The following CNTN1 variants were observed in gnomAD, a reference collection of about 807,000 sequenced individuals.
CNTN1 encodes contactin 1.
In CNTN1, 38 loss-of-function variants were observed where a neutral mutation model predicts 126.4. The observed-to-expected ratio is 0.30, with a 90% CI of 0.23 to 0.39. The LOEUF is 0.39. Among genes scored for constraint, CNTN1 ranks in the 10% least tolerant of loss-of-function variants. CNTN1 has a pLI of 1.00. For synonymous variants in CNTN1, 413 were observed against 422.6 expected (o/e 0.98, Z 0.28); for missense variants, 1,009 against 1,248.4 (o/e 0.81, Z 2.89).
intron 17 of CNTN1, among the ~76,000 whole-genome samples, chr12:41,008,682 A>G (rs1388900211): frequency 6.6e-6 from 1 of 152,086 alleles, no homozygotes; most frequent in Admixed American, 6.5e-5. Context: ...ACATGTATTT[A>G]CCATCCTTCT....
intron 23 of CNTN1, among the ~76,000 whole-genome samples, chr12:41,040,655 T>C (rs1055594186): frequency 6.6e-6 from 1 of 152,156 alleles, no homozygotes; most frequent in African/African-American, 2.4e-5. Flanking sequence ...GATTCCTAGG[T>C]ATTCTATTCT....
intron 1 of CNTN1, among the ~76,000 whole-genome samples, chr12:40,715,566 G>A (rs1942028642): frequency 6.6e-6 from 1 of 152,060 alleles, no homozygotes. Context: ...CCCTTGTGTT[G>A]GAGAAAATAT....
intron 15 of CNTN1, among the ~76,000 whole-genome samples, chr12:40,967,152 G>A (rs1440678237): frequency 6.6e-6 from 1 of 151,872 alleles, no homozygotes; most frequent in Non-Finnish European, 1.5e-5. Context: ...GGGCAGTAGA[G>A]CGAGACTCCA....
chr12:40,868,417 G>A (rs566156329), intron 1 of CNTN1, among the ~76,000 whole-genome samples: 1 of 152,268 alleles, frequency 6.6e-6, no homozygotes, highest in African/African-American at 2.4e-5. Flanking sequence ...TTCAGGTTGA[G>A]TCAGTACTTA....
chr12:40,972,163 A>G, intron 15 of CNTN1: 1 of 985,426 alleles, frequency 1.0e-6, no homozygotes, highest in African/African-American at 1.7e-5. Context: ...GCAAGATTTT[A>G]GTAAAGATGA....
At position 40,908,342 on chromosome 12, in the gene CNTN1, T is replaced by C. The variant is rs1419640557; in HGVS notation, c.-76-15T>C. 1.1e-5 allele frequency: 10 copies of C among 892,902 alleles called. No individual in the cohort carries two copies. Among genetic ancestry groups the C allele is most frequent in the African/African-American group, 6.6e-5 (4 of 60,318 alleles). 55.3% of individuals were successfully genotyped at this position (892,902 alleles called of 1,614,324 possible). ...TCTAATTCTTTCCTTCTTCTTCTTT[T>C]CTTTCTTGATGCAGGTGTTTAAAAT... is the stretch of plus-strand genomic sequence containing the variant. On this transcript the variant is annotated splice_polypyrimidine_tract_variant and intron_variant, in intron 1 of 23. Transcript: ENST00000551295.
intron 16 of CNTN1, among the ~76,000 whole-genome samples, chr12:40,982,340 C>T (rs542533627): frequency 3.9e-4 from 59 of 152,164 alleles, no homozygotes; most frequent in African/African-American, 1.4e-3. Context: ...GCAGTTTCTA[C>T]TTTTCTGAAG....
intron 1 of CNTN1, among the ~76,000 whole-genome samples, chr12:40,893,710 C>T (rs1944314600): frequency 6.6e-6 from 1 of 152,038 alleles, no homozygotes; most frequent in Non-Finnish European, 1.5e-5. Context: ...TCTGTTGCTT[C>T]TTTTTTCTTC....
chr12:41,064,854 AT>A (rs1008012378), intron 23 of CNTN1, among the ~76,000 whole-genome samples: 19 of 151,800 alleles, frequency 1.3e-4, no homozygotes, highest in Middle Eastern at 6.8e-3. Context: ...AAAAGGTTTA[AT>A]TTTTTTTTAA....
At chr12:40,807,277 G>T (rs1307950915) in intron 1 of CNTN1, among the ~76,000 whole-genome samples, 1 of 151,642 alleles carries the variant, frequency 6.6e-6, no homozygotes, top group Admixed American at 6.6e-5. Flanking sequence ...CATATAAATG[G>T]TTCCCTCAAT....
intron 1 of CNTN1, among the ~76,000 whole-genome samples, chr12:40,800,637 C>A (rs568589199): frequency 1.3e-5 from 2 of 151,812 alleles, no homozygotes; most frequent in Non-Finnish European, 2.9e-5. Context: ...ATAGATCATA[C>A]CCTGGAAACA....
chr12:40,792,317 G>A (rs1797768007), intron 1 of CNTN1, among the ~76,000 whole-genome samples: 1 of 152,136 alleles, frequency 6.6e-6, no homozygotes, highest in Middle Eastern at 3.4e-3. Context: ...GTAAAATGAG[G>A]AGGCAATGCT....
At chr12:41,005,096 C>A (rs912643206) in intron 17 of CNTN1, 1 of 152,132 alleles carries the variant, frequency 6.6e-6, no homozygotes, top group African/African-American at 2.4e-5. Context: ...TCTAGTGATT[C>A]CTTCAGGAGC....
chr12:40,898,884 G>A (rs1163756978), intron 1 of CNTN1, among the ~76,000 whole-genome samples: 2 of 152,210 alleles, frequency 1.3e-5, no homozygotes, highest in Non-Finnish European at 2.9e-5. Context: ...ATACTGTGCA[G>A]CATGCAGCAG....
At chr12:40,898,014 T>G (rs1330719491) in intron 1 of CNTN1, among the ~76,000 whole-genome samples, 1 of 152,198 alleles carries the variant, frequency 6.6e-6, no homozygotes, top group East Asian at 1.9e-4. Context: ...GTCTCTGAAT[T>G]TGACCTTTAT....
intron 23 of CNTN1, among the ~76,000 whole-genome samples, chr12:41,063,880 GA>G (rs890986687): frequency 6.6e-6 from 1 of 152,094 alleles, no homozygotes; most frequent in Non-Finnish European, 1.5e-5. Context: ...GTCAGTCTGA[GA>G]ATGTGAGGCA....
At chr12:40,873,739 CAT>C (rs1043646301) in intron 1 of CNTN1, among the ~76,000 whole-genome samples, 1 of 152,104 alleles carries the variant, frequency 6.6e-6, no homozygotes, top group African/African-American at 2.4e-5. Context: ...AAACCCAAAA[CAT>C]AATTCAATTC....
intron 1 of CNTN1, among the ~76,000 whole-genome samples, chr12:40,804,743 T>C (rs1940780012): frequency 6.6e-6 from 1 of 152,054 alleles, no homozygotes; most frequent in African/African-American, 2.4e-5. Context: ...TTATATTTTT[T>C]TAATGTATAG....
At chr12:40,793,564 T>C (rs113636793) in intron 1 of CNTN1, among the ~76,000 whole-genome samples, 42 of 152,042 alleles carry the variant, frequency 2.8e-4, no homozygotes, top group African/African-American at 9.9e-4. Context: ...AGAAAAACAA[T>C]AATGCCCTTA....
Sources: allele counts gnomAD v4.1 joint callset (sites outside exome capture counted in the v4.1 genomes callset), GRCh38; gene constraint gnomAD v4.1.1; transcripts MANE v1.5; gene names NCBI Gene and HGNC (gene_info 2026-07-23, HGNC 2026-07-21).